The following BRINP3 variants were observed in gnomAD, a reference collection of about 807,000 sequenced individuals.
BRINP3 encodes BMP/retinoic acid inducible neural specific 3.
Under a neutral mutation model 71.0 loss-of-function variants are expected in BRINP3, and 19 were observed. That is an observed-to-expected ratio of 0.27 (90% CI 0.19 to 0.39). The LOEUF is 0.39. Ranked by LOEUF, BRINP3 falls within the 10% of genes least tolerant of loss-of-function variation. The pLI, the probability that BRINP3 is intolerant of heterozygous loss-of-function variation, is 1.00. For synonymous variants in BRINP3, 380 were observed against 337.7 expected, an observed-to-expected ratio of 1.13 and a Z score of -1.37; for missense variants, 959 against 940.8, an observed-to-expected ratio of 1.02 and a Z score of -0.25.
At chr1:190,121,177 C>T (rs1653618705) in intron 7 of BRINP3, among the ~76,000 whole-genome samples, 1 of 152,068 alleles carries the variant, frequency 6.6e-6, no homozygotes, top group Non-Finnish European at 1.5e-5. Flanking sequence ...CAAAACCGGC[C>T]GGAGCTATAG....
chr1:190,208,244 C>A (rs1655686868), intron 6 of BRINP3, among the ~76,000 whole-genome samples: 1 of 151,956 alleles, frequency 6.6e-6, no homozygotes, highest in South Asian at 2.1e-4. Context: ...AGGTGTGAGC[C>A]ACTGTGCCCG....
At chr1:190,470,544 T>C (rs1280222029) in intron 1 of BRINP3, among the ~76,000 whole-genome samples, 1 of 151,094 alleles carries the variant, frequency 6.6e-6, no homozygotes, top group East Asian at 1.9e-4. Context: ...CAAATACTTA[T>C]AAAAAAATAG....
At chr1:190,275,222 G>T (rs1662454338) in intron 3 of BRINP3, among the ~76,000 whole-genome samples, 1 of 151,566 alleles carries the variant, frequency 6.6e-6, no homozygotes, top group East Asian at 1.9e-4. Context: ...TCTAATTTTG[G>T]AGCTATTTGC....
chr1:190,392,239 A>G (rs1160736036), intron 2 of BRINP3, among the ~76,000 whole-genome samples: 1 of 151,696 alleles, frequency 6.6e-6, no homozygotes, highest in African/African-American at 2.4e-5. Flanking sequence ...AAATAATGTC[A>G]AACTGGACGG....
At chr1:190,158,868 G>GGAGAGA (rs140109633) in intron 7 of BRINP3, among the ~76,000 whole-genome samples, 7 of 148,618 alleles carry the variant, frequency 4.7e-5, no homozygotes, top group South Asian at 2.1e-4. Flanking sequence ...ACAGGGAGGG[G>GGAGAGA]GAGAGAGAGA....
intron 2 of BRINP3, among the ~76,000 whole-genome samples, chr1:190,442,291 GT>G (rs1185578257): frequency 6.6e-6 from 1 of 152,164 alleles, no homozygotes; most frequent in Non-Finnish European, 1.5e-5. Context: ...TTGGGAAATA[GT>G]TGTGTGTGTC....
intron 2 of BRINP3, among the ~76,000 whole-genome samples, chr1:190,355,270 A>G (rs1027149437): frequency 3.9e-5 from 6 of 152,006 alleles, no homozygotes; most frequent in Non-Finnish European, 8.8e-5. Flanking sequence ...ATCTCCTAGT[A>G]ATGTAAATAA....
At chr1:190,188,839 C>T (rs549275312) in intron 6 of BRINP3, among the ~76,000 whole-genome samples, 2 of 151,954 alleles carry the variant, frequency 1.3e-5, no homozygotes, top group Non-Finnish European at 2.9e-5. Context: ...CGGCTCACTG[C>T]AACCTCTGCC....
At chr1:190,217,985 A>ATTT (rs1656553414) in intron 6 of BRINP3, among the ~76,000 whole-genome samples, 2 of 152,074 alleles carry the variant, frequency 1.3e-5, no homozygotes, top group Non-Finnish European at 2.9e-5. Context: ...ATATTAATCT[A>ATTT]TTCAATTATT....
chr1:190,278,341 G>T (rs1209091348), intron 3 of BRINP3, among the ~76,000 whole-genome samples: 1 of 151,260 alleles, frequency 6.6e-6, no homozygotes, highest in Non-Finnish European at 1.5e-5. Context: ...AGAAGTGGAG[G>T]GATTAGTTCA....
At chr1:190,174,902 C>T (rs1035731075) in intron 6 of BRINP3, among the ~76,000 whole-genome samples, 1 of 152,022 alleles carries the variant, frequency 6.6e-6, no homozygotes, top group Non-Finnish European at 1.5e-5. Flanking sequence ...AAATATGCCA[C>T]CACATATTAA....
chr1:190,173,306 C>G (rs1168868285), intron 6 of BRINP3, among the ~76,000 whole-genome samples: 1 of 152,028 alleles, frequency 6.6e-6, no homozygotes, highest in Admixed American at 6.6e-5. Flanking sequence ...AGAATCTGTA[C>G]GTGGGGGAAG....
chr1:190,119,834 A>G (rs1033640446), intron 7 of BRINP3, among the ~76,000 whole-genome samples: 2 of 152,198 alleles, frequency 1.3e-5, no homozygotes, highest in Admixed American at 6.5e-5. Flanking sequence ...ATCATCTAAC[A>G]TGGAGAACTG....
chr1:190,298,802 T>C (rs1453448413), intron 2 of BRINP3, among the ~76,000 whole-genome samples: 1 of 152,178 alleles, frequency 6.6e-6, no homozygotes, highest in Non-Finnish European at 1.5e-5. Context: ...GAGTTCTATA[T>C]ATATATATTG....
At chr1:190,272,497 C>T (rs1167614275) in intron 3 of BRINP3, among the ~76,000 whole-genome samples, 2 of 151,386 alleles carry the variant, frequency 1.3e-5, no homozygotes, top group Non-Finnish European at 3.0e-5. Flanking sequence ...ATAATATAAT[C>T]CCTCTACAGT....
chr1:190,158,536 A>C (rs1299541890), intron 7 of BRINP3, among the ~76,000 whole-genome samples: 1 of 152,066 alleles, frequency 6.6e-6, no homozygotes, highest in Non-Finnish European at 1.5e-5. Flanking sequence ...TGACGGGATC[A>C]ATCATACCTC....
At chr1:190,247,898 T>C (rs923171207) in intron 4 of BRINP3, among the ~76,000 whole-genome samples, 10 of 152,054 alleles carry the variant, frequency 6.6e-5, no homozygotes, top group South Asian at 2.1e-4. Context: ...TCACAGACCG[T>C]TGGGGTCTTA....
chr1:190,105,204 T>C (rs1459159687), intron 7 of BRINP3, among the ~76,000 whole-genome samples: 1 of 152,056 alleles, frequency 6.6e-6, no homozygotes, highest in Non-Finnish European at 1.5e-5. Flanking sequence ...CACAACAGTT[T>C]CACTCTTGGA....
At position 190,113,774 on chromosome 1, in the gene BRINP3, G is replaced by A. The variant is rs568990793; in HGVS notation, c.1185-14640C>T. ...TGCAAACATGACAGAACAATGGCTG[G>A]ATTTGAGATATGAAATGAGACCTGT... On this transcript the variant is annotated intron_variant, in intron 7 of 7. Transcript: ENST00000367462. Among the ~76,000 whole-genome samples, 4 of 152,280 alleles carry A rather than the reference G, an allele frequency of 2.6e-5. No homozygotes were observed. In the South Asian group the frequency reaches 8.3e-4, roughly 32 times the overall value.
Sources: allele counts gnomAD v4.1 joint callset (sites outside exome capture counted in the v4.1 genomes callset), GRCh38; gene constraint gnomAD v4.1.1; transcripts MANE v1.5; gene names NCBI Gene and HGNC (gene_info 2026-07-23, HGNC 2026-07-21).